The following CHIC2 variants were observed in gnomAD, a reference collection of about 807,000 sequenced individuals.
The protein encoded by CHIC2 is cysteine rich hydrophobic domain 2.
Under a neutral mutation model 25.9 loss-of-function variants are expected in CHIC2, and 14 were observed. The ratio of observed to expected loss-of-function variants is 0.54; its 90% CI spans 0.36 to 0.85. The LOEUF is 0.85. CHIC2 is among the 40% of genes least tolerant of loss of function. The pLI is 0.01. For synonymous variants in CHIC2, 70 were observed against 72.0 expected, an observed-to-expected ratio of 0.97 and a Z score of 0.14; for missense variants, 146 against 202.0, an observed-to-expected ratio of 0.72 and a Z score of 1.68.
At chr4:54,015,174 G>C (rs1376091295) in intron 3 of CHIC2, among the ~76,000 whole-genome samples, 1 of 152,008 alleles carries the variant, frequency 6.6e-6, no homozygotes, top group East Asian at 1.9e-4. Flanking sequence ...ACACACCAAA[G>C]TCACATAGAT....
At chr4:54,057,743 C>T (rs1717219213) in intron 1 of CHIC2, among the ~76,000 whole-genome samples, 1 of 152,074 alleles carries the variant, frequency 6.6e-6, no homozygotes, top group African/African-American at 2.4e-5. Context: ...GAAACCTCAA[C>T]AAGACAGCTG....
At chr4:54,042,812 A>C (rs1716620545) in intron 3 of CHIC2, among the ~76,000 whole-genome samples, 1 of 152,202 alleles carries the variant, frequency 6.6e-6, no homozygotes, top group Admixed American at 6.5e-5. Flanking sequence ...TATTGAAGTA[A>C]ATATCATAAG....
At position 54,010,062 on chromosome 4, in the gene CHIC2, A is replaced by G. The variant is rs370939515; in HGVS notation, c.*33T>C. 2.3e-5 allele frequency: 34 copies of G among 1,508,042 alleles called. No homozygotes were observed. The African/African-American group carries it at 4.3e-4, about 19-fold the overall frequency. The allele number at this position is 1,508,042 out of a possible 1,614,324, so 93.4% of individuals were successfully genotyped here. On this transcript the variant is annotated 3_prime_UTR_variant, in exon 6 of 6. Transcript: ENST00000263921. ...AGCAAGGCACCATTGGAAAGACAAC[A>G]TACTTGGAAAGTCTCTATAAATAAA...
the CHIC2 span, chr4:54,087,414 G>A: frequency 5.2e-6 from 3 of 578,464 alleles, no homozygotes; most frequent in East Asian, 3.1e-5. Context: ...TATGCAAATT[G>A]TAAAACATCG....
At chr4:54,074,605 C>CAG in the CHIC2 span, among the ~76,000 whole-genome samples, 1 of 150,564 alleles carries the variant, frequency 6.6e-6, no homozygotes, top group Non-Finnish European at 1.5e-5. Flanking sequence ...CAAACACACA[C>CAG]ACACACACAC....
the CHIC2 span, among the ~76,000 whole-genome samples, chr4:54,072,851 T>C: frequency 6.6e-6 from 1 of 152,166 alleles, no homozygotes; most frequent in African/African-American, 2.4e-5. Context: ...GGCGGATGGA[T>C]CACAAAGTCA....
chr4:54,075,663 C>G, the CHIC2 span, among the ~76,000 whole-genome samples: 1 of 152,170 alleles, frequency 6.6e-6, no homozygotes, highest in African/African-American at 2.4e-5. Flanking sequence ...AAGCAATTCT[C>G]GTGCCTCAGC....
intron 3 of CHIC2, among the ~76,000 whole-genome samples, chr4:54,017,986 T>TA (rs1715789069): frequency 6.6e-6 from 1 of 152,206 alleles, no homozygotes. Context: ...GAATAGGTAT[T>TA]AAACAGACTT....
At chr4:54,064,766 C>G (rs1717468235), upstream of CHIC2, 2 of 535,442 alleles carry the variant, frequency 3.7e-6, no homozygotes, top group Non-Finnish European at 4.8e-6. The surrounding 1 kb of genome is among the most constrained non-coding windows in gnomAD (Gnocchi z 4.2). Flanking sequence ...CGCTCCCAGG[C>G]CACCGTCTTT....
At chr4:54,064,993 G>T (rs1424973821), upstream of CHIC2, among the ~76,000 whole-genome samples, 2 of 152,252 alleles carry the variant, frequency 1.3e-5, no homozygotes, top group Admixed American at 6.5e-5. The surrounding 1 kb of genome is among the most constrained non-coding windows in gnomAD (Gnocchi z 4.2). Context: ...AAAAGCCCTG[G>T]CTGGAATAGA....
chr4:54,067,829 G>A (rs934453821), upstream of CHIC2, among the ~76,000 whole-genome samples: 34 of 152,030 alleles, frequency 2.2e-4, no homozygotes, highest in African/African-American at 8.2e-4. Flanking sequence ...ACCTTTCTAA[G>A]CTTCCTTTTC....
chr4:54,061,529 A>C (rs1717334217), intron 1 of CHIC2, among the ~76,000 whole-genome samples: 1 of 152,036 alleles, frequency 6.6e-6, no homozygotes, highest in African/African-American at 2.4e-5. Context: ...TAAAAAAAAA[A>C]GGTGGAGGAG....
chr4:54,076,375 T>C, the CHIC2 span, among the ~76,000 whole-genome samples: 1 of 152,032 alleles, frequency 6.6e-6, no homozygotes, highest in Non-Finnish European at 1.5e-5. Context: ...ACAACTAAGG[T>C]CTAAGACTTC....
chr4:54,034,756 C>T (rs184409251), intron 3 of CHIC2, among the ~76,000 whole-genome samples: 32 of 152,216 alleles, frequency 2.1e-4, no homozygotes, highest in Admixed American at 1.2e-3. Flanking sequence ...ACTGCCCTGG[C>T]TAGAATCTCC....
At chr4:54,013,989 T>G in intron 4 of CHIC2, 74 bp downstream of exon 4, 1 of 1,598,772 alleles carries the variant, frequency 6.3e-7, no homozygotes, top group South Asian at 1.1e-5. Flanking sequence ...TATTTTTAGT[T>G]CAACAAAAGC....
At chr4:54,034,018 A>C (rs944620812) in intron 3 of CHIC2, among the ~76,000 whole-genome samples, 6 of 152,014 alleles carry the variant, frequency 3.9e-5, no homozygotes, top group African/African-American at 1.5e-4. Flanking sequence ...TTTTAGAATC[A>C]GTCTGTCAAT....
chr4:54,075,721 T>G, the CHIC2 span, among the ~76,000 whole-genome samples: 1 of 152,016 alleles, frequency 6.6e-6, no homozygotes. Context: ...GGCTGGCTAA[T>G]TTTTGTATTT....
At chr4:54,066,330 C>T (rs887391890), upstream of CHIC2, among the ~76,000 whole-genome samples, 1 of 152,108 alleles carries the variant, frequency 6.6e-6, no homozygotes, top group South Asian at 2.1e-4. Context: ...ACAATAAATA[C>T]GGGGTAATAG....
At chr4:54,056,193 G>C (rs770681718) in intron 1 of CHIC2, among the ~76,000 whole-genome samples, 1 of 152,048 alleles carries the variant, frequency 6.6e-6, no homozygotes, top group African/African-American at 2.4e-5. Flanking sequence ...TTGTTAAGCA[G>C]TGAAAGCTAT....
Sources: gnomAD v4.1 joint callset for allele counts (sites outside exome capture counted in the v4.1 genomes callset) on GRCh38, gnomAD v4.1.1 for gene constraint, Gnocchi (gnomAD v3.1) non-coding constraint, MANE v1.5 for transcripts, NCBI Gene and HGNC (gene_info 2026-07-23, HGNC 2026-07-21) for gene names.